Variants in SLC35F3 observed in about 807,000 individuals in gnomAD.
SLC35F3 encodes solute carrier family 35 member F3.
Under a neutral mutation model 49.9 loss-of-function variants are expected in SLC35F3, and 25 were observed. That is an observed-to-expected ratio of 0.50 (90% CI 0.37 to 0.70). SLC35F3 has a LOEUF of 0.70. SLC35F3 is among the 30% of genes least tolerant of loss of function. SLC35F3 has a pLI of 0.00. For synonymous variants in SLC35F3, 275 were observed against 265.4 expected (o/e 1.04, Z -0.35); for missense variants, 525 against 639.8 (o/e 0.82, Z 1.94).
chr1:233,982,079 C>T (rs752572867), intron 2 of SLC35F3, among the ~76,000 whole-genome samples: 83 of 152,154 alleles, frequency 5.5e-4, no homozygotes, highest in Admixed American at 1.0e-3. Context: ...TGTGCCACCA[C>T]GCCCAACTAA....
At chr1:234,033,307 G>A (rs191882735) in intron 2 of SLC35F3, among the ~76,000 whole-genome samples, 2 of 152,282 alleles carry the variant, frequency 1.3e-5, no homozygotes, top group African/African-American at 4.8e-5. Context: ...TCTGTGGGTT[G>A]TCTGTTTCCT....
chr1:234,085,818 T>A (rs1352661258), intron 2 of SLC35F3, among the ~76,000 whole-genome samples: 1 of 152,310 alleles, frequency 6.6e-6, no homozygotes, highest in South Asian at 2.1e-4. Flanking sequence ...AATAAGCCCA[T>A]TGTGATTCGG....
chr1:234,014,891 T>C (rs559885058), intron 2 of SLC35F3, among the ~76,000 whole-genome samples: 1 of 152,318 alleles, frequency 6.6e-6, no homozygotes, highest in South Asian at 2.1e-4. Flanking sequence ...TGTTAAAATA[T>C]CCATACTACC....
At chr1:234,239,297 T>C (rs1667518567) in intron 3 of SLC35F3, among the ~76,000 whole-genome samples, 1 of 152,166 alleles carries the variant, frequency 6.6e-6, no homozygotes, top group Admixed American at 6.5e-5. Flanking sequence ...GTAGGCGGCA[T>C]ACAAAAGTCA....
chr1:234,032,541 T>C (rs1379318238), intron 2 of SLC35F3, among the ~76,000 whole-genome samples: 2 of 152,206 alleles, frequency 1.3e-5, no homozygotes, highest in African/African-American at 2.4e-5. Context: ...CCAAAGTCCC[T>C]TGTATTATTC....
chr1:234,108,491 T>C (rs1293086821), intron 2 of SLC35F3, among the ~76,000 whole-genome samples: 2 of 116,016 alleles, frequency 1.7e-5, no homozygotes, highest in Non-Finnish European at 3.2e-5. Context: ...ATAAAAGATA[T>C]ATATTATTTA....
chr1:234,249,150 A>T (rs1572114731), intron 3 of SLC35F3, among the ~76,000 whole-genome samples: 1 of 152,150 alleles, frequency 6.6e-6, no homozygotes, highest in South Asian at 2.1e-4. Context: ...GCAGGGCTGG[A>T]GCTAGGAGTG....
chr1:234,140,002 A>AATAAAAAAAAAAT, intron 2 of SLC35F3, among the ~76,000 whole-genome samples: 19 of 105,466 alleles, frequency 1.8e-4, no homozygotes, highest in Non-Finnish European at 3.3e-4. Flanking sequence ...AATAAAATAA[A>AATAAAAAAAAAAT]GTAAGTGACT....
At chr1:234,105,609 C>T (rs910875701) in intron 2 of SLC35F3, among the ~76,000 whole-genome samples, 3 of 152,200 alleles carry the variant, frequency 2.0e-5, no homozygotes, top group Non-Finnish European at 4.4e-5. Context: ...CTAGGCACCA[C>T]TCAGAGACTC....
intron 2 of SLC35F3, among the ~76,000 whole-genome samples, chr1:234,211,387 G>T (rs942608355): frequency 1.3e-5 from 2 of 152,204 alleles, no homozygotes; most frequent in Non-Finnish European, 2.9e-5. Context: ...CAGACAGCTT[G>T]CACTCTGTGC....
chr1:234,288,265 T>A (rs1294080795), intron 3 of SLC35F3, among the ~76,000 whole-genome samples: 1 of 152,144 alleles, frequency 6.6e-6, no homozygotes, highest in Non-Finnish European at 1.5e-5. Context: ...GCCGCCACTT[T>A]CCCCAAGCCA....
chr1:234,024,901 A>G (rs1252831649), intron 2 of SLC35F3, among the ~76,000 whole-genome samples: 1 of 152,220 alleles, frequency 6.6e-6, no homozygotes, highest in Admixed American at 6.5e-5. Flanking sequence ...GGTTTGCTCT[A>G]CAAATGATTC....
At chr1:234,285,388 G>A in intron 3 of SLC35F3, 1 of 470,234 alleles carries the variant, frequency 2.1e-6, no homozygotes, top group South Asian at 1.5e-5. Flanking sequence ...CAAGCCAAGA[G>A]AGATGAATTA....
rs191035182 is a variant in SLC35F3, at chr1:233,921,949, G to A, written c.283+16191G>A. Among the ~76,000 whole-genome samples the A allele has an allele frequency of 2.2e-3, 336 of 152,168 alleles. 3 individuals carry two copies. The highest frequency in any genetic ancestry group is 7.2e-3 in the African/African-American group (298 of 41,512). On this transcript the variant is annotated intron_variant, in intron 2 of 7. Transcript: ENST00000366618. ...AGAATGATGGTTTCCAGCTTCATCC[G>A]TGTCCCTACAAAGGACATGAACTCA... is the stretch of plus-strand genomic sequence containing the variant.
intron 2 of SLC35F3, among the ~76,000 whole-genome samples, chr1:234,107,332 C>T (rs1665299091): frequency 6.6e-6 from 1 of 152,202 alleles, no homozygotes; most frequent in Non-Finnish European, 1.5e-5. Context: ...AAAGGTGTGG[C>T]TGTATAATCC....
At chr1:234,038,542 GACTTCCACAATGGTTGA>G (rs1454086556) in intron 2 of SLC35F3, among the ~76,000 whole-genome samples, 2 of 152,080 alleles carry the variant, frequency 1.3e-5, no homozygotes, top group East Asian at 3.9e-4. Flanking sequence ...TCGCCACACT[GACTTCCACAATGGTTGA>G]ACTAGTTTAC....
At chr1:234,091,468 A>G (rs539810390) in intron 2 of SLC35F3, among the ~76,000 whole-genome samples, 3 of 152,352 alleles carry the variant, frequency 2.0e-5, no homozygotes, top group East Asian at 3.9e-4. Flanking sequence ...GGAGGAAATT[A>G]CAAAGTGCTC....
chr1:234,170,508 C>T (rs1666385549), intron 2 of SLC35F3, among the ~76,000 whole-genome samples: 1 of 151,958 alleles, frequency 6.6e-6, no homozygotes, highest in African/African-American at 2.4e-5. Flanking sequence ...CAGGCAGACC[C>T]CAGGGTGTAG....
At chr1:234,213,271 T>C (rs528815021) in intron 2 of SLC35F3, 44 of 152,362 alleles carry the variant, frequency 2.9e-4, no homozygotes, top group African/African-American at 9.9e-4. Flanking sequence ...GGAAACCAGG[T>C]AGCATTGAAG....
Sources: allele counts gnomAD v4.1 joint callset (sites outside exome capture counted in the v4.1 genomes callset), GRCh38; gene constraint gnomAD v4.1.1; transcripts MANE v1.5; gene names NCBI Gene and HGNC (gene_info 2026-07-23, HGNC 2026-07-21).